Variants in FAM131B observed in about 807,000 individuals in gnomAD.
The protein encoded by FAM131B is family with sequence similarity 131 member B.
A neutral mutation model predicts 42.0 loss-of-function variants in FAM131B; 19 were observed. The observed-to-expected ratio is 0.45, with a 90% CI of 0.32 to 0.66. FAM131B has a LOEUF of 0.66. Among genes scored for constraint, FAM131B ranks in the 30% least tolerant of loss-of-function variants. The pLI, the probability that FAM131B is intolerant of heterozygous loss-of-function variation, is 0.05. For synonymous variants in FAM131B, 183 were observed against 177.6 expected (o/e 1.03, Z -0.24); for missense variants, 370 against 468.4 (o/e 0.79, Z 1.94).
At position 143,353,946 on chromosome 7, in the gene FAM131B, C is replaced by T. The variant is rs528148388; in HGVS notation, c.*2604G>A. The T allele has an allele frequency of 6.6e-6, 1 of 152,200 alleles. No homozygotes were observed. The highest frequency in any genetic ancestry group is 2.1e-4 in the South Asian group (1 of 4,812). The allele number at this position is 152,200 out of a possible 1,614,324, so 9.4% of individuals were successfully genotyped here. ...ATATAAAAACAGCCCTGTTCCAGGA[C>T]TGCTGTAAAACGTGCTGCACAGCCT... On this transcript the variant is annotated 3_prime_UTR_variant, in exon 7 of 7. Transcript: ENST00000443739.
the FAM131B span, among the ~76,000 whole-genome samples, chr7:143,374,992 G>A: frequency 6.6e-6 from 1 of 152,066 alleles, no homozygotes. Context: ...ATCTCCCATA[G>A]GAGACCCTCC....
In FAM131B at chr7:143,358,573, TGAG is replaced by T. The variant is rs1285715748; in HGVS notation, c.466+251_466+253del. Among the ~76,000 whole-genome samples the T allele has an allele frequency of 1.3e-5, 2 of 152,208 alleles. No individual in the cohort carries two copies. Among genetic ancestry groups the T allele is most frequent in the Admixed American group, 6.5e-5 (1 of 15,278 alleles). On this transcript the variant is annotated intron_variant, in intron 5 of 6. Coordinates refer to ENST00000443739, the MANE Select transcript of FAM131B (RefSeq NM_001031690.3). This position sits in a 1 kb window ranked among gnomAD's most constrained non-coding sequence, Gnocchi z 4.7. ...AGTTCAGGTTTGGATAGTCCCGTGA[TGAG>T]GAGAGAAGGCATCTGGGATGGGTGG...
the FAM131B span, chr7:143,381,516 G>A: frequency 1.9e-6 from 3 of 1,563,004 alleles, no homozygotes; most frequent in East Asian, 7.1e-5. Context: ...TGGGGCTCCT[G>A]AGCCCGGCTC....
At position 143,359,293 on chromosome 7, in the gene FAM131B, TG is replaced by T. The variant is rs1443861782; in HGVS notation, c.268+32del. ...GCCAAGGAGTCTGTCAGCATTATTT[TG>T]TCTGAAGGCATTCTTACATCAGGAG... On this transcript the variant is annotated intron_variant, in intron 4 of 6. Coordinates refer to ENST00000443739, the MANE Select transcript of FAM131B (RefSeq NM_001031690.3). The surrounding 1 kb of genome is among the most constrained non-coding windows in gnomAD (Gnocchi z 5.4). 2.0e-6 allele frequency: 3 copies of T among 1,519,328 alleles called. No individual in the cohort carries two copies. Among genetic ancestry groups the T allele is most frequent in the Non-Finnish European group, 1.8e-6 (2 of 1,097,380 alleles). The allele number at this position is 1,519,328 out of a possible 1,614,324, so 94.1% of individuals were successfully genotyped here. A position where few individuals can be genotyped will look rare whatever the true frequency, so the allele number is the denominator to read the frequency against.
rs1001492262 is a variant in FAM131B, at chr7:143,362,181, G to T, written c.28+395C>A. Reference sequence around the variant, plus strand: ...GGCGCGGAGGCCGAGGGTCCTTCGCGGGGGGCTGCTCCGGAGTGGGGGATG... The same window carrying T: ...GGCGCGGAGGCCGAGGGTCCTTCGCTGGGGGCTGCTCCGGAGTGGGGGATG... On this transcript the variant is annotated intron_variant, in intron 1 of 6. Coordinates refer to ENST00000443739, the MANE Select transcript of FAM131B (RefSeq NM_001031690.3). The surrounding 1 kb of genome is among the most constrained non-coding windows in gnomAD (Gnocchi z 7.7). 2 of 203,192 alleles carry T rather than the reference G, an allele frequency of 9.8e-6. No homozygotes were observed. The highest frequency in any genetic ancestry group is 6.3e-5 in the Admixed American group (1 of 15,834). 12.6% of individuals were successfully genotyped at this position (203,192 alleles called of 1,614,324 possible).
chr7:143,371,910 G>T, the FAM131B span, among the ~76,000 whole-genome samples: 1 of 152,006 alleles, frequency 6.6e-6, no homozygotes, highest in Admixed American at 6.5e-5. Flanking sequence ...TGGGAGATGA[G>T]GCCAGAGAGC....
chr7:143,377,185 C>T, the FAM131B span, among the ~76,000 whole-genome samples: 2 of 152,204 alleles, frequency 1.3e-5, no homozygotes, highest in African/African-American at 2.4e-5. Flanking sequence ...CTTGAACTCC[C>T]GGCCTCAAGT....
At chr7:143,368,499 G>A in the FAM131B span, among the ~76,000 whole-genome samples, 1 of 152,174 alleles carries the variant, frequency 6.6e-6, no homozygotes, top group Non-Finnish European at 1.5e-5. Context: ...ACTCAGGGGA[G>A]AGGGGCAACA....
chr7:143,372,816 A>G, the FAM131B span, among the ~76,000 whole-genome samples: 1 of 151,978 alleles, frequency 6.6e-6, no homozygotes, highest in African/African-American at 2.4e-5. Context: ...AAAATTAACC[A>G]GGTGTCGTGG....
chr7:143,373,007 T>A, the FAM131B span, among the ~76,000 whole-genome samples: 3 of 151,972 alleles, frequency 2.0e-5, no homozygotes, highest in African/African-American at 4.8e-5. Flanking sequence ...TAAATAATTT[T>A]AAAAATAGTG....
the FAM131B span, among the ~76,000 whole-genome samples, chr7:143,368,420 C>A: frequency 3.9e-5 from 6 of 152,216 alleles, no homozygotes; most frequent in Non-Finnish European, 8.8e-5. Context: ...CCATGGAGAA[C>A]CAATGAGAAC....
chr7:143,362,536 G>T lies in FAM131B; in HGVS notation c.28+40C>A. 8.9e-7 allele frequency: 1 copy of T among 1,120,914 alleles called. No homozygotes were observed. Among genetic ancestry groups the T allele is most frequent in the South Asian group, 4.5e-5 (1 of 22,278 alleles). The allele number at this position is 1,120,914 out of a possible 1,614,324, so 69.4% of individuals were successfully genotyped here. A position where few individuals can be genotyped will look rare whatever the true frequency, so the allele number is the denominator to read the frequency against. Reference sequence around the variant, plus strand: ...GGGGGAGGGGGTCGGAGGGCGGCCCGGGGGGCCCAGCCCTGCCCCCGCCCG... The same window carrying T: ...GGGGGAGGGGGTCGGAGGGCGGCCCTGGGGGCCCAGCCCTGCCCCCGCCCG... On this transcript the variant is annotated intron_variant, in intron 1 of 6. Transcript: ENST00000443739. The surrounding 1 kb of genome is among the most constrained non-coding windows in gnomAD (Gnocchi z 7.7).
the FAM131B span, chr7:143,381,003 G>A: frequency 3.7e-6 from 1 of 268,796 alleles, no homozygotes; most frequent in African/African-American, 2.3e-5. Flanking sequence ...TCAGATCTCG[G>A]GCACCCGCGG....
chr7:143,353,738 C>A lies in FAM131B; in HGVS notation c.*2812G>T, dbSNP rs1398711522. 3 of 152,402 alleles carry A rather than the reference C, an allele frequency of 2.0e-5. No individual in the cohort carries two copies. The highest frequency in any genetic ancestry group is 4.4e-5 in the Non-Finnish European group (3 of 68,016). 9.4% of individuals were successfully genotyped at this position (152,402 alleles called of 1,614,324 possible). ...GAGGTCGTGGAGAAGATAATAAACT[C>A]ATTCCCCAAGATACCCTCTTCAACA... On this transcript the variant is annotated 3_prime_UTR_variant, in exon 7 of 7. Coordinates refer to ENST00000443739, the MANE Select transcript of FAM131B (RefSeq NM_001031690.3).
At position 143,359,357 on chromosome 7, in the gene FAM131B, G is replaced by A. The variant is rs138629797; in HGVS notation, c.237C>T (p.Gly79=). The part of the protein sequence containing the change: ...PKLKRNSNAY[G]IGALAKSSFS... Reference sequence around the variant, plus strand: ...ATGATGACTTGGCCAGGGCCCCAATGCCATAGGCGTTAGAGTTTCGCTTAA... The same window carrying A: ...ATGATGACTTGGCCAGGGCCCCAATACCATAGGCGTTAGAGTTTCGCTTAA... The change falls in exon 4 of 7, where the codon GGC becomes GGT. Residue 79 remains glycine, a synonymous_variant. Coordinates refer to ENST00000443739, the MANE Select transcript of FAM131B (RefSeq NM_001031690.3). The surrounding 1 kb of genome is among the most constrained non-coding windows in gnomAD (Gnocchi z 5.4). 70 of 1,613,686 alleles carry A rather than the reference G, an allele frequency of 4.3e-5. No homozygotes were observed. The highest frequency in any genetic ancestry group is 1.3e-5 in the African/African-American group (1 of 74,944).
upstream of FAM131B, among the ~76,000 whole-genome samples, chr7:143,365,290 T>A (rs376400578): frequency 3.3e-5 from 5 of 152,300 alleles, no homozygotes; most frequent in East Asian, 3.9e-4. Context: ...GTGGGCTGCA[T>A]GTTTGGTGTC....
chr7:143,371,794 C>T, the FAM131B span, among the ~76,000 whole-genome samples: 30,326 of 151,850 alleles, frequency 0.2, 3,534 homozygotes, highest in East Asian at 0.36. Flanking sequence ...TGTGGAAGAA[C>T]CTTCCCAGCA....
At chr7:143,382,178 G>A in the FAM131B span, 4 of 1,317,840 alleles carry the variant, frequency 3.0e-6, no homozygotes, top group South Asian at 2.5e-5. Flanking sequence ...GGGTTAGAGC[G>A]GTTAACTGAG....
At chr7:143,380,211 G>A in the FAM131B span, 2 of 983,390 alleles carry the variant, frequency 2.0e-6, no homozygotes, top group South Asian at 9.4e-5. The surrounding 1 kb of genome is among the most constrained non-coding windows in gnomAD (Gnocchi z 5.0). Context: ...GGCCGAGATT[G>A]GGGAAGTTTC....
Sources: allele counts gnomAD v4.1 joint callset (sites outside exome capture counted in the v4.1 genomes callset), GRCh38; gene constraint gnomAD v4.1.1; non-coding constraint Gnocchi (gnomAD v3.1); transcripts MANE v1.5; gene names NCBI Gene and HGNC (gene_info 2026-07-23, HGNC 2026-07-21).